ZNF516: variants seen among roughly 807,000 people sequenced by gnomAD.
ZNF516 encodes the protein zinc finger protein 516.
ZNF516 carries 19 observed loss-of-function variants against 79.7 expected under a neutral mutation model. The ratio of observed to expected loss-of-function variants is 0.24; its 90% CI spans 0.17 to 0.35. The LOEUF (loss-of-function observed/expected upper bound fraction) is 0.35. ZNF516 is among the 10% of genes least tolerant of loss of function. The pLI, the probability that ZNF516 is intolerant of heterozygous loss-of-function variation, is 1.00. For missense variants in ZNF516, 1,678 were observed against 1,679.5 expected (o/e 1.00, Z 0.02); for synonymous variants, 877 against 739.5 (o/e 1.19, Z -3.02).
intron 1 of ZNF516, chr18:76,492,368 GCGCTGTGCC>G: frequency 1.0e-6 from 1 of 985,220 alleles, no homozygotes; most frequent in Non-Finnish European, 1.2e-6. Flanking sequence ...GGCCGGTGAC[GCGCTGTGCC>G]CGTGAATACG....
intron 3 of ZNF516, among the ~76,000 whole-genome samples, chr18:76,412,905 C>A (rs77366882): frequency 0.019 from 2,821 of 152,268 alleles, 49 homozygotes; most frequent in African/African-American, 0.04. Context: ...TCCACCTCGC[C>A]CACCTCTGAG....
chr18:76,412,866 G>C (rs1390884346), intron 3 of ZNF516, among the ~76,000 whole-genome samples: 4 of 152,244 alleles, frequency 2.6e-5, no homozygotes, highest in African/African-American at 9.6e-5. Context: ...CAATGTCCCG[G>C]GACACCGGGC....
At chr18:76,496,135 CG>C (rs1915471250), upstream of ZNF516, 2 of 378,790 alleles carry the variant, frequency 5.3e-6, no homozygotes, top group Non-Finnish European at 7.4e-6. Context: ...CAGGGATGGC[CG>C]GGGTGGGGGA....
At chr18:76,461,437 G>T (rs975517076) in intron 2 of ZNF516, among the ~76,000 whole-genome samples, 2 of 152,156 alleles carry the variant, frequency 1.3e-5, no homozygotes, top group African/African-American at 4.8e-5. Context: ...GGGCCCAGGG[G>T]ACCAGCGTCT....
At chr18:76,490,322 T>C (rs767792698) in intron 1 of ZNF516, 1 of 308,664 alleles carries the variant, frequency 3.2e-6, no homozygotes, top group African/African-American at 2.3e-5. Flanking sequence ...CCATGCACAA[T>C]AGTGGTATGT....
intron 3 of ZNF516, among the ~76,000 whole-genome samples, chr18:76,412,220 C>T (rs982958357): frequency 6.6e-6 from 1 of 152,230 alleles, no homozygotes; most frequent in Non-Finnish European, 1.5e-5. Context: ...GGACCAAGAC[C>T]AGCGAAGGTC....
rs781557952 is a variant in ZNF516, at chr18:76,379,064, G to A, written c.3050C>T (p.Ala1017Val). ...GGCCGCGTCGCCCCTGGACCCCGCA[G>A]CACAGGTGGCCAGAGTCCTCAGCTC... ...AQELRTLATC[A>V]AGSRGDAALQ... Residue 1017 changes from alanine to valine, a missense_variant, in exon 4 of 7, where the codon GCT (alanine) becomes GTT (valine). Ala to Val is a moderately conservative substitution (Grantham distance 64, BLOSUM62 0). Around this residue, in one of 5 missense-constraint regions of ZNF516, gnomAD observed 1,294 missense variants for 1,248.3 expected, o/e 1.04. Transcript: ENST00000443185. 3.1e-6 allele frequency: 5 copies of A among 1,610,576 alleles called. No homozygotes were observed. Among genetic ancestry groups the A allele is most frequent in the African/African-American group, 2.7e-5 (2 of 74,902 alleles).
intron 3 of ZNF516, 63 bp downstream of exon 3, chr18:76,441,182 G>A (rs1393536000): frequency 4.5e-6 from 7 of 1,544,182 alleles, no homozygotes; most frequent in African/African-American, 2.8e-5. Flanking sequence ...ACGTTTACCT[G>A]GAAGCAGGAA....
At chr18:76,436,834 G>A (rs2075744767) in intron 3 of ZNF516, among the ~76,000 whole-genome samples, 1 of 152,020 alleles carries the variant, frequency 6.6e-6, no homozygotes, top group African/African-American at 2.4e-5. Context: ...CTGGGAGGCT[G>A]AGGCGGGTGG....
chr18:76,360,646 A>AAAAAATATATATATATATAT lies in ZNF516; in HGVS notation c.*1851_*1852insATATATATATATATATTTTT, dbSNP rs373540251. 1 of 72,494 alleles carries AAAAAATATATATATATATAT rather than the reference A, an allele frequency of 1.4e-5. No homozygotes were observed. 4.5% of individuals were successfully genotyped at this position (72,494 alleles called of 1,614,324 possible). A position where few individuals can be genotyped will look rare whatever the true frequency, so the allele number is the denominator to read the frequency against. The stretch of plus-strand genomic sequence containing the variant: ...AAAAAAATAAGTAAAAAAAAAAAAA[A>AAAAAATATATATATATATAT]ATATATATATATATATATATATATA... On this transcript the variant is annotated 3_prime_UTR_variant, in exon 7 of 7. Transcript: ENST00000443185.
At chr18:76,377,356 G>GA (rs2074805038) in intron 4 of ZNF516, among the ~76,000 whole-genome samples, 1 of 152,290 alleles carries the variant, frequency 6.6e-6, no homozygotes, top group Non-Finnish European at 1.5e-5. Flanking sequence ...TTCAAAGCAG[G>GA]AATGTAACAA....
chr18:76,424,548 A>AAC (rs1270666113), intron 3 of ZNF516, among the ~76,000 whole-genome samples: 1 of 136,204 alleles, frequency 7.3e-6, no homozygotes, highest in African/African-American at 2.8e-5. Context: ...CTCCCCCCGA[A>AAC]ACACACACGC....
At chr18:76,430,667 C>T (rs1421123768) in intron 3 of ZNF516, among the ~76,000 whole-genome samples, 2 of 152,160 alleles carry the variant, frequency 1.3e-5, no homozygotes, top group Non-Finnish European at 2.9e-5. Flanking sequence ...TTAAGTGATA[C>T]ATTTCAGTAA....
At chr18:76,437,201 G>A (rs2075754402) in intron 3 of ZNF516, among the ~76,000 whole-genome samples, 1 of 152,100 alleles carries the variant, frequency 6.6e-6, no homozygotes. Context: ...CCGCATGACT[G>A]CAGCCTGGCC....
chr18:76,488,024 T>A, intron 1 of ZNF516: 2 of 985,308 alleles, frequency 2.0e-6, no homozygotes, highest in Non-Finnish European at 2.4e-6. Context: ...AAATAATCAC[T>A]GCTGCACAAA....
intron 3 of ZNF516, among the ~76,000 whole-genome samples, chr18:76,400,375 A>C (rs1239786764): frequency 6.6e-6 from 1 of 152,242 alleles, no homozygotes; most frequent in Non-Finnish European, 1.5e-5. Context: ...AGACGGACTG[A>C]ATAATTTGAG....
At chr18:76,412,307 A>T (rs1599047872) in intron 3 of ZNF516, among the ~76,000 whole-genome samples, 1 of 151,990 alleles carries the variant, frequency 6.6e-6, no homozygotes, top group South Asian at 2.1e-4. Flanking sequence ...GACAGAGGGG[A>T]CGTACACGGC....
chr18:76,389,004 C>CG (rs1457662180), intron 3 of ZNF516: 2 of 152,366 alleles, frequency 1.3e-5, no homozygotes, highest in Non-Finnish European at 2.9e-5. Flanking sequence ...AGAACAGGCC[C>CG]GGGGGAGGCT....
At chr18:76,490,774 T>A (rs1011073157) in intron 1 of ZNF516, 4 of 985,470 alleles carry the variant, frequency 4.1e-6, no homozygotes, top group Non-Finnish European at 3.6e-6. Context: ...GTTCCTTTTG[T>A]GACTTGCTGG....
Sources: allele counts gnomAD v4.1 joint callset (sites outside exome capture counted in the v4.1 genomes callset), GRCh38; gene constraint gnomAD v4.1.1; regional missense constraint gnomAD v4.1.1; transcripts MANE v1.5; gene names NCBI Gene and HGNC (gene_info 2026-07-23, HGNC 2026-07-21).